MYO9B: variants seen among roughly 807,000 people sequenced by gnomAD.
The protein encoded by MYO9B is unconventional myosin-IXb.
A neutral mutation model predicts 229.5 loss-of-function variants in MYO9B; 71 were observed. That is an observed-to-expected ratio of 0.31 (90% CI 0.26 to 0.38). The LOEUF is 0.38. Ranked by LOEUF, MYO9B falls within the 10% of genes least tolerant of loss-of-function variation. The pLI is 1.00. For synonymous variants in MYO9B, 1,185 were observed against 1,235.8 expected (o/e 0.96, Z 0.86); for missense variants, 2,255 against 2,920.5 (o/e 0.77, Z 5.25).
At chr19:17,197,690 CAG>C (rs2073061122) in intron 22 of MYO9B, 100 bp from the exon 23 acceptor site, 1 of 1,348,970 alleles carries the variant, frequency 7.4e-7, no homozygotes, top group Non-Finnish European at 1.1e-6. Context: ...TGTCCCCTGG[CAG>C]GGGCAGAACT....
At chr19:17,108,057 C>T (rs1015066045) in intron 2 of MYO9B, among the ~76,000 whole-genome samples, 1 of 152,146 alleles carries the variant, frequency 6.6e-6, no homozygotes, top group South Asian at 2.1e-4. Flanking sequence ...TCCTGGGGAC[C>T]GGTAGTTCCT....
At chr19:17,084,227 A>G (rs1038700892) in intron 1 of MYO9B, among the ~76,000 whole-genome samples, 1 of 151,660 alleles carries the variant, frequency 6.6e-6, no homozygotes, top group Admixed American at 6.6e-5. Flanking sequence ...GGTCCCAGCT[A>G]CTCAGGAGGC....
intron 10 of MYO9B, among the ~76,000 whole-genome samples, chr19:17,166,457 A>G (rs940677843): frequency 6.6e-6 from 1 of 151,876 alleles, no homozygotes; most frequent in Admixed American, 6.6e-5. Flanking sequence ...TAATGTATTC[A>G]TATTGATTTA....
chr19:17,206,225 G>GTGGCCCCCCCCC, intron 32 of MYO9B, 23 bp from the exon 33 acceptor site: 12 of 1,564,640 alleles, frequency 7.7e-6, no homozygotes, highest in African/African-American at 2.7e-5. Context: ...CCGCTCACCA[G>GTGGCCCCCCCCC]ACCCACCCCA....
intron 10 of MYO9B, 45 bp from the exon 11 acceptor site, chr19:17,167,898 T>A: frequency 6.5e-7 from 1 of 1,549,788 alleles, no homozygotes; most frequent in Non-Finnish European, 8.7e-7. Flanking sequence ...AGATATTACA[T>A]ATCTGGGAGA....
intron 21 of MYO9B, among the ~76,000 whole-genome samples, chr19:17,194,197 T>TAAAATA: frequency 6.6e-6 from 1 of 151,506 alleles, no homozygotes; most frequent in East Asian, 1.9e-4. Context: ...TAAAATAAAA[T>TAAAATA]AAAAGCAAAA....
At chr19:17,156,764 C>A in intron 6 of MYO9B, 145 bp from the exon 7 acceptor site, 1 of 888,042 alleles carries the variant, frequency 1.1e-6, no homozygotes, top group Non-Finnish European at 1.7e-6. Flanking sequence ...AGGCCATCCT[C>A]AACAGAGGCC....
At chr19:17,157,553 T>C in intron 7 of MYO9B, 1 of 160,460 alleles carries the variant, frequency 6.2e-6, no homozygotes, top group Non-Finnish European at 1.4e-5. Flanking sequence ...AGCGAGACTC[T>C]GTCTCAAAAC....
chr19:17,111,571 C>T (rs1425102219), intron 2 of MYO9B, among the ~76,000 whole-genome samples: 1 of 152,140 alleles, frequency 6.6e-6, no homozygotes, highest in East Asian at 1.9e-4. Context: ...TACAGGTGCA[C>T]ACCACCACCC....
chr19:17,125,448 C>T (rs1202868225), intron 2 of MYO9B, among the ~76,000 whole-genome samples: 2 of 152,110 alleles, frequency 1.3e-5, no homozygotes, highest in African/African-American at 4.8e-5. Flanking sequence ...TACGTGGTTT[C>T]GTGATAACCT....
At chr19:17,162,286 C>T in intron 8 of MYO9B, 64 bp from the exon 9 acceptor site, 1 of 1,367,994 alleles carries the variant, frequency 7.3e-7, no homozygotes, top group Non-Finnish European at 1.0e-6. Flanking sequence ...GCCTGGATGA[C>T]AGAGCAAGAC....
intron 13 of MYO9B, among the ~76,000 whole-genome samples, chr19:17,173,514 G>T (rs2072749037): frequency 6.6e-6 from 1 of 152,030 alleles, no homozygotes; most frequent in Non-Finnish European, 1.5e-5. Context: ...CTGTTGGCCA[G>T]GCTGGTCTCG....
At chr19:17,161,607 T>A (rs2072602965) in intron 8 of MYO9B, among the ~76,000 whole-genome samples, 2 of 151,314 alleles carry the variant, frequency 1.3e-5, no homozygotes, top group African/African-American at 4.9e-5. Flanking sequence ...CTTGAGGCCA[T>A]GAGTTCGAGA....
At chr19:17,208,533 G>A (rs1322088723) in intron 35 of MYO9B, among the ~76,000 whole-genome samples, 3 of 151,242 alleles carry the variant, frequency 2.0e-5, no homozygotes, top group Non-Finnish European at 4.4e-5. Context: ...CCGGGTTCAC[G>A]CCATTCTCCT....
Position 17,192,795 on chromosome 19 carries a change from G to C in MYO9B, c.2861G>C (p.Arg954Pro). 6.4e-7 allele frequency: 1 copy of C among 1,558,794 alleles called. No individual in the cohort carries two copies. Among genetic ancestry groups the C allele is most frequent in the Non-Finnish European group, 8.7e-7 (1 of 1,152,198 alleles). ...ERQALQETLH[R>P]EVVRKILLLQ... The stretch of plus-strand genomic sequence containing the variant: ...CAAGCCCTGCAGGAGACGCTGCACC[G>C]GGAGGTGGTGCGGAAAATCCTGCTG... Residue 954 changes from arginine to proline, a missense_variant, in exon 21 of 40, where the codon CGG becomes CCG. This residue lies in a region of MYO9B where 679 missense variants were observed against 770.2 expected (regional missense o/e 0.88). Transcript: ENST00000682292.
At chr19:17,150,036 G>T (rs569385066) in intron 3 of MYO9B, among the ~76,000 whole-genome samples, 8 of 152,286 alleles carry the variant, frequency 5.3e-5, no homozygotes, top group Admixed American at 5.2e-4. Context: ...TCTCCTATTT[G>T]AAAGAAGAGA....
At chr19:17,109,209 G>A (rs1391488447) in intron 2 of MYO9B, among the ~76,000 whole-genome samples, 1 of 151,906 alleles carries the variant, frequency 6.6e-6, no homozygotes, top group Non-Finnish European at 1.5e-5. Flanking sequence ...GGGACTACAG[G>A]TGCTCACCAC....
At position 17,200,632 on chromosome 19, in the gene MYO9B, C is replaced by G. The variant is rs1281113296; in HGVS notation, c.4373-7C>G. 12 of 1,607,840 alleles carry G rather than the reference C, an allele frequency of 7.5e-6. No homozygotes were observed. Among genetic ancestry groups the G allele is most frequent in the Non-Finnish European group, 1.0e-5 (12 of 1,176,890 alleles). ...ACCCTCACCGGCTGCTTCCTGTCCCCCCTCAGCCCCCTCCGGACAGCAGCA... is the reference window on the plus strand; with the variant it reads ...ACCCTCACCGGCTGCTTCCTGTCCCGCCTCAGCCCCCTCCGGACAGCAGCA... On this transcript the variant is annotated splice_region_variant and splice_polypyrimidine_tract_variant and intron_variant, in intron 25 of 39. Coordinates refer to ENST00000682292, the MANE Select transcript of MYO9B (RefSeq NM_004145.4).
At chr19:17,188,834 G>A (rs2072948558) in intron 19 of MYO9B, among the ~76,000 whole-genome samples, 1 of 151,928 alleles carries the variant, frequency 6.6e-6, no homozygotes. Context: ...ACAACATAGT[G>A]AGACCCCATC....
Sources: gnomAD v4.1 joint callset for allele counts (sites outside exome capture counted in the v4.1 genomes callset) on GRCh38, gnomAD v4.1.1 for gene constraint, gnomAD v4.1.1 regional missense constraint, MANE v1.5 for transcripts, NCBI Gene and HGNC (gene_info 2026-07-23, HGNC 2026-07-21) for gene names.